HDAC4: variants seen among roughly 807,000 people sequenced by gnomAD.
The protein encoded by HDAC4 is histone deacetylase A.
HDAC4 carries 16 observed loss-of-function variants against 135.1 expected under a neutral mutation model. That is an observed-to-expected ratio of 0.12 (90% CI 0.08 to 0.18). The LOEUF (loss-of-function observed/expected upper bound fraction) is 0.18, where lower values mean the gene tolerates loss of function less well. HDAC4 is among the 10% of genes least tolerant of loss of function. The probability of loss-of-function intolerance (pLI) is 1.00; values close to 1 mark genes in which losing one functional copy is unlikely to be tolerated. For missense variants in HDAC4, 1,143 were observed against 1,511.8 expected (o/e 0.76, Z 4.05); for synonymous variants, 685 against 653.4 (o/e 1.05, Z -0.74).
intron 2 of HDAC4, among the ~76,000 whole-genome samples, chr2:239,329,617 T>A (rs1691423105): frequency 6.6e-6 from 1 of 151,904 alleles, no homozygotes; most frequent in African/African-American, 2.4e-5. Flanking sequence ...TCCAAGTTAT[T>A]CTGAAATTTC....
Position 239,053,117 on chromosome 2 carries a change from C to G in HDAC4, c.3250G>C (p.Glu1084Gln). Reference protein sequence around the residue: ...AEKRPDEEPMEEEPPL With the variant: ...AEKRPDEEPMQEEPPL ...GAGTGCTACAGGGGCGGCTCCTCTT[C>G]CATGGGCTCCTCATCTGGTCTGTGG... The change falls in exon 27 of 27, where the codon GAA (glutamate) becomes CAA (glutamine). Residue 1084 changes from glutamate (E) to glutamine (Q), a missense_variant. Glu to Gln is a conservative substitution (Grantham distance 29). Around this residue, in one of 9 missense-constraint regions of HDAC4, gnomAD observed 131 missense variants for 130.6 expected, o/e 1.00. Coordinates refer to ENST00000543185, the MANE Select transcript of HDAC4 (RefSeq NM_001378414.1). 6.2e-7 allele frequency: 1 copy of G among 1,614,214 alleles called. No individual in the cohort carries two copies. The highest frequency in any genetic ancestry group is 8.5e-7 in the Non-Finnish European group (1 of 1,180,028).
At position 239,276,714 on chromosome 2, in the gene HDAC4, G is replaced by A. The variant is rs532788785; in HGVS notation, c.23-40050C>T. Among the ~76,000 whole-genome samples, 72 of 152,302 alleles carry A rather than the reference G, an allele frequency of 4.7e-4. 1 individual carries two copies. Among genetic ancestry groups the A allele is most frequent in the Middle Eastern group, 3.4e-3 (1 of 294 alleles). On this transcript the variant is annotated intron_variant, in intron 2 of 26. Transcript: ENST00000543185. ...GCCTGGACACTACCCGCTGTCTGCT[G>A]CCTGGACACTGCTCGCTGCCCAGAC...
intron 12 of HDAC4, among the ~76,000 whole-genome samples, chr2:239,121,481 T>C (rs1387223447): frequency 1.3e-5 from 2 of 152,224 alleles, no homozygotes; most frequent in Non-Finnish European, 2.9e-5. Context: ...ACCTCCCCAC[T>C]GTTCCAAGGG....
At chr2:239,338,459 G>A (rs1228441138) in intron 2 of HDAC4, among the ~76,000 whole-genome samples, 1 of 151,998 alleles carries the variant, frequency 6.6e-6, no homozygotes, top group Non-Finnish European at 1.5e-5. Context: ...ACCGACCTTC[G>A]TCCAACCCCC....
At chr2:239,074,339 G>A (rs906121506) in intron 22 of HDAC4, among the ~76,000 whole-genome samples, 7 of 152,254 alleles carry the variant, frequency 4.6e-5, no homozygotes, top group South Asian at 2.1e-4. Context: ...TGCAGCGAGC[G>A]CACGTGGAGG....
intron 1 of HDAC4, among the ~76,000 whole-genome samples, chr2:239,368,191 T>G (rs1159470498): frequency 1.3e-5 from 2 of 152,214 alleles, no homozygotes. Context: ...TGCAGGAGTG[T>G]GAAGGGCTCC....
intron 2 of HDAC4, among the ~76,000 whole-genome samples, chr2:239,288,034 AT>A (rs145364030): frequency 0.058 from 8,832 of 151,644 alleles, 375 homozygotes; most frequent in Non-Finnish European, 0.083. Flanking sequence ...GGAATAATTA[AT>A]TCTAATCTTA....
At chr2:239,387,580 T>A (rs1575795698) in intron 1 of HDAC4, among the ~76,000 whole-genome samples, 1 of 152,232 alleles carries the variant, frequency 6.6e-6, no homozygotes, top group East Asian at 1.9e-4. Flanking sequence ...TCAGGCAGCA[T>A]CTGTGCCAGC....
At chr2:239,055,609 C>T (rs1000210713) in intron 24 of HDAC4, among the ~76,000 whole-genome samples, 1 of 150,702 alleles carries the variant, frequency 6.6e-6, no homozygotes, top group East Asian at 2.0e-4. Flanking sequence ...CCCAGCTACT[C>T]GGGAGGCTGA....
chr2:239,140,498 G>C lies in HDAC4; in HGVS notation c.866-702C>G, dbSNP rs1044083536. 5.3e-5 allele frequency among the ~76,000 whole-genome samples: 8 copies of C among 152,206 alleles called. 1 individual carries two copies. Among genetic ancestry groups the C allele is most frequent in the African/African-American group, 1.9e-4 (8 of 41,460 alleles). On this transcript the variant is annotated intron_variant, in intron 8 of 26. Coordinates refer to ENST00000543185, the MANE Select transcript of HDAC4 (RefSeq NM_001378414.1). ...TGGGCACACACATCCACCGTGGGAG[G>C]CCGCTGAGGCTCTCGATATTCACAC...
chr2:239,327,787 G>C (rs932005373), intron 2 of HDAC4, among the ~76,000 whole-genome samples: 1 of 152,178 alleles, frequency 6.6e-6, no homozygotes, highest in Admixed American at 6.5e-5. Context: ...CAAGCCTAGA[G>C]ACACCCTGGC....
chr2:239,178,291 C>A (rs2043902941), intron 4 of HDAC4, among the ~76,000 whole-genome samples: 1 of 152,200 alleles, frequency 6.6e-6, no homozygotes, highest in South Asian at 2.1e-4. Context: ...TTATTTTAGA[C>A]ATAGGGTCTC....
chr2:239,140,696 G>C (rs987378899), intron 8 of HDAC4, among the ~76,000 whole-genome samples: 1 of 152,170 alleles, frequency 6.6e-6, no homozygotes, highest in East Asian at 1.9e-4. Context: ...ACCTATATGC[G>C]CAGCGCATAC....
Position 239,190,090 on chromosome 2 carries a change from C to G in HDAC4, c.95-13G>C, listed in dbSNP as rs1013473486. ...GTGGCCACATCCACTGTGGGAAAAA[C>G]AAGCAGGAGAGCCGGTCACTGCCGC... On this transcript the variant is annotated splice_polypyrimidine_tract_variant and intron_variant, in intron 3 of 26. Coordinates refer to ENST00000543185, the MANE Select transcript of HDAC4 (RefSeq NM_001378414.1). The G allele has an allele frequency of 6.3e-7, 1 of 1,596,666 alleles. No homozygotes were observed. Among genetic ancestry groups the G allele is most frequent in the African/African-American group, 1.3e-5 (1 of 74,266 alleles).
intron 2 of HDAC4, among the ~76,000 whole-genome samples, chr2:239,281,417 C>T (rs1468679340): frequency 1.3e-5 from 2 of 149,502 alleles, no homozygotes; most frequent in African/African-American, 4.9e-5. Flanking sequence ...CACCACTCTA[C>T]ACACAATGTA....
In HDAC4 at chr2:239,214,514, A is replaced by T. The variant is rs928529071; in HGVS notation, c.94+22079T>A. 4.5e-4 allele frequency among the ~76,000 whole-genome samples: 68 copies of T among 152,120 alleles called. 1 individual carries two copies. Among genetic ancestry groups the T allele is most frequent in the Admixed American group, 1.2e-3 (19 of 15,272 alleles). ...ATTTCGGGGGTTCCATTATTCTGTC[A>T]ACCGCACTCTGGCTCCTTGGCCGAG... is the stretch of plus-strand genomic sequence containing the variant. On this transcript the variant is annotated intron_variant, in intron 3 of 26. Coordinates refer to ENST00000543185, the MANE Select transcript of HDAC4 (RefSeq NM_001378414.1).
In HDAC4 at chr2:239,052,696, C is replaced by G. The variant is rs1015260875; in HGVS notation, c.*401G>C. 1 of 253,826 alleles carries G rather than the reference C, an allele frequency of 3.9e-6. No homozygotes were observed. Among genetic ancestry groups the G allele is most frequent in the Non-Finnish European group, 7.8e-6 (1 of 128,518 alleles). The allele number at this position is 253,826 out of a possible 1,614,324, so 15.7% of individuals were successfully genotyped here. ...ATAAACTTTAAGCACCAGTTTTAAT[C>G]AAGTTTGTTTTGTATTATTAGATCT... On this transcript the variant is annotated 3_prime_UTR_variant, in exon 27 of 27. Transcript: ENST00000543185.
chr2:239,209,596 C>A (rs2046250776), intron 3 of HDAC4, among the ~76,000 whole-genome samples: 1 of 152,162 alleles, frequency 6.6e-6, no homozygotes, highest in African/African-American at 2.4e-5. Flanking sequence ...TGGAAAATAT[C>A]CTTGGAATAG....
chr2:239,147,432 T>G (rs2041838083), intron 7 of HDAC4, among the ~76,000 whole-genome samples: 1 of 152,268 alleles, frequency 6.6e-6, no homozygotes, highest in Non-Finnish European at 1.5e-5. Context: ...ACTCCAATAA[T>G]TCTGCCAAAG....
Sources: allele counts gnomAD v4.1 joint callset (sites outside exome capture counted in the v4.1 genomes callset), GRCh38; gene constraint gnomAD v4.1.1; regional missense constraint gnomAD v4.1.1; transcripts MANE v1.5; gene names NCBI Gene and HGNC (gene_info 2026-07-23, HGNC 2026-07-21).